Variants in CDK1 observed in about 807,000 individuals in gnomAD.
CDK1 encodes the protein cyclin dependent kinase 1.
CDK1 carries 5 observed loss-of-function variants against 34.6 expected under a neutral mutation model. The ratio of observed to expected loss-of-function variants is 0.14; its 90% CI spans 0.08 to 0.30. The LOEUF is 0.30. Among genes scored for constraint, CDK1 ranks in the 10% least tolerant of loss-of-function variants. CDK1 has a pLI of 1.00. For missense variants in CDK1, 157 were observed against 345.7 expected, an observed-to-expected ratio of 0.45 and a Z score of 4.33; for synonymous variants, 108 against 114.7, an observed-to-expected ratio of 0.94 and a Z score of 0.37.
chr10:60,784,875 T>C lies in CDK1; in HGVS notation c.194+14T>C. On this transcript the variant is annotated intron_variant, in intron 3 of 7. Transcript: ENST00000395284. ...AAATATAGTCAGGTATGTTGTAATA[T>C]CTGAATGTAAGCCATTTTCTGCATG... The C allele has an allele frequency of 1.2e-6, 2 of 1,600,162 alleles. No homozygotes were observed. Among genetic ancestry groups the C allele is most frequent in the Non-Finnish European group, 8.5e-7 (1 of 1,170,240 alleles).
intron 7 of CDK1, among the ~76,000 whole-genome samples, chr10:60,792,631 G>A (rs74157841): frequency 0.013 from 1,944 of 151,978 alleles, 38 homozygotes; most frequent in African/African-American, 0.044. Context: ...TATGCTAGAC[G>A]TGTTTTTCTT....
chr10:60,790,126 T>A (rs1487577681), intron 5 of CDK1, among the ~76,000 whole-genome samples: 1 of 152,212 alleles, frequency 6.6e-6, no homozygotes, highest in Non-Finnish European at 1.5e-5. Flanking sequence ...AATTCTTTGT[T>A]GTATGAATGA....
intron 3 of CDK1, 117 bp from the exon 4 acceptor site, chr10:60,785,547 A>G (rs1390067538): frequency 3.1e-6 from 2 of 640,846 alleles, no homozygotes; most frequent in Non-Finnish European, 5.4e-6. Context: ...TAGGGAAGCT[A>G]CTACGTCTTC....
rs1225482699 is a variant in CDK1 at position 60,792,294 on chromosome 10, G to A, written c.795+5G>A. The stretch of plus-strand genomic sequence containing the variant: ...AATGGCTTGGATTTGCTCTCGGTAA[G>A]GAGTGCCCTTGATACTGACTTTCAA... On this transcript the variant is annotated splice_donor_5th_base_variant and intron_variant, in intron 7 of 7. Coordinates refer to ENST00000395284, the MANE Select transcript of CDK1 (RefSeq NM_001786.5). The A allele has an allele frequency of 6.3e-7, 1 of 1,597,542 alleles. No homozygotes were observed. The highest frequency in any genetic ancestry group is 1.4e-5 in the African/African-American group (1 of 73,642).
At chr10:60,784,537 G>A (rs531949043) in intron 2 of CDK1, among the ~76,000 whole-genome samples, 168 bp from the exon 3 acceptor site, 13 of 152,062 alleles carry the variant, frequency 8.5e-5, no homozygotes, top group African/African-American at 2.9e-4. Flanking sequence ...GGCTGCCGTG[G>A]GAGGATCCCC....
chr10:60,789,523 TGTC>T (rs545909554), intron 5 of CDK1, among the ~76,000 whole-genome samples: 236 of 152,338 alleles, frequency 1.5e-3, no homozygotes, highest in Non-Finnish European at 5.9e-4. Context: ...TCATCCTTGT[TGTC>T]ATAAATGACA....
chr10:60,784,898 A>T, intron 3 of CDK1, 37 bp downstream of exon 3: 1 of 1,557,048 alleles, frequency 6.4e-7, no homozygotes, highest in Non-Finnish European at 8.8e-7. Context: ...CATTTTCTGC[A>T]TGCTATTTCA....
chr10:60,788,566 C>T (rs2080334377), intron 5 of CDK1, among the ~76,000 whole-genome samples: 1 of 151,786 alleles, frequency 6.6e-6, no homozygotes, highest in African/African-American at 2.4e-5. Context: ...TACTTTAATT[C>T]TTTATATTAA....
chr10:60,787,906 G>A (rs958218037), intron 4 of CDK1, 154 bp from the exon 5 acceptor site: 7 of 435,594 alleles, frequency 1.6e-5, no homozygotes, highest in East Asian at 9.9e-5. Flanking sequence ...ATATAAATGG[G>A]CTTCCCACCC....
At chr10:60,793,826 A>T (rs1221403269) in intron 7 of CDK1, 51 bp from the exon 8 acceptor site, 1 of 1,040,364 alleles carries the variant, frequency 9.6e-7, no homozygotes, top group Non-Finnish European at 1.4e-6. Flanking sequence ...AGATTTTTGT[A>T]AAAAATGGTT....
chr10:60,786,066 T>C (rs916266071), intron 4 of CDK1: 2 of 1,050,290 alleles, frequency 1.9e-6, no homozygotes, highest in African/African-American at 1.7e-5. Context: ...GGCTGTCAGA[T>C]ACATGTAAAA....
intron 1 of CDK1, among the ~76,000 whole-genome samples, chr10:60,779,682 A>G (rs1490018835): frequency 1.3e-5 from 2 of 152,226 alleles, no homozygotes; most frequent in Non-Finnish European, 2.9e-5. Context: ...AACAGTCTGA[A>G]CACATTTTAG....
At chr10:60,787,486 G>A (rs185992662) in intron 4 of CDK1, among the ~76,000 whole-genome samples, 5 of 152,040 alleles carry the variant, frequency 3.3e-5, no homozygotes, top group Admixed American at 3.3e-4. Context: ...TCATTTTTCT[G>A]TGTACTTTGT....
chr10:60,781,447 TTC>T (rs560149766), intron 2 of CDK1, among the ~76,000 whole-genome samples: 36 of 152,304 alleles, frequency 2.4e-4, no homozygotes, highest in African/African-American at 8.2e-4. Flanking sequence ...GGATCTCAGT[TTC>T]TGCCTCTGCA....
In CDK1 at chr10:60,785,764, T is replaced by A; in HGVS notation, c.295T>A (p.Tyr99Asn). Residue 99 changes from tyrosine to asparagine, a missense_variant, in exon 4 of 8, where the codon TAC becomes AAC. This residue lies in a region of CDK1 where 102 missense variants were observed against 233.6 expected (regional missense o/e 0.44). Coordinates refer to ENST00000395284, the MANE Select transcript of CDK1 (RefSeq NM_001786.5). ...CTTGGATTCTATCCCTCCTGGTCAG[T>A]ACATGGATTCTTCACTTGTTAAGGT... ...KYLDSIPPGQ[Y>N]MDSSLVKSYL... 6.3e-7 allele frequency: 1 copy of A among 1,596,540 alleles called. No individual in the cohort carries two copies. The highest frequency in any genetic ancestry group is 8.6e-7 in the Non-Finnish European group (1 of 1,168,830).
At chr10:60,778,902 C>T (rs2080247266) in intron 1 of CDK1, among the ~76,000 whole-genome samples, 1 of 152,182 alleles carries the variant, frequency 6.6e-6, no homozygotes, top group Non-Finnish European at 1.5e-5. Context: ...AAGCAAAATC[C>T]GCTCCCCCAC....
In CDK1 at chr10:60,784,881, T is replaced by G. The variant is rs2080302519; in HGVS notation, c.194+20T>G. On this transcript the variant is annotated intron_variant, in intron 3 of 7. Transcript: ENST00000395284. ...AGTCAGGTATGTTGTAATATCTGAATGTAAGCCATTTTCTGCATGCTATTT... is the reference window on the plus strand; with the variant it reads ...AGTCAGGTATGTTGTAATATCTGAAGGTAAGCCATTTTCTGCATGCTATTT... 6.3e-7 allele frequency: 1 copy of G among 1,592,540 alleles called. No homozygotes were observed. The highest frequency in any genetic ancestry group is 1.4e-5 in the African/African-American group (1 of 74,022).
intron 2 of CDK1, among the ~76,000 whole-genome samples, chr10:60,784,150 C>T (rs1391344070): frequency 3.3e-5 from 5 of 152,148 alleles, no homozygotes; most frequent in Non-Finnish European, 5.9e-5. Context: ...TATGCTGGAA[C>T]ATTAATGGTA....
chr10:60,791,828 G>GT (rs1163983002), intron 5 of CDK1, 62 bp from the exon 6 acceptor site: 2 of 864,636 alleles, frequency 2.3e-6, no homozygotes, highest in Non-Finnish European at 3.6e-6. Context: ...AAATATAAAT[G>GT]TTTAAGTGTA....
Sources: allele counts gnomAD v4.1 joint callset (sites outside exome capture counted in the v4.1 genomes callset), GRCh38; gene constraint gnomAD v4.1.1; regional missense constraint gnomAD v4.1.1; transcripts MANE v1.5; gene names NCBI Gene and HGNC (gene_info 2026-07-23, HGNC 2026-07-21).